The following SGCD variants were observed in gnomAD, a reference collection of about 807,000 sequenced individuals.
The protein encoded by SGCD is delta-sarcoglycan.
SGCD carries 18 observed loss-of-function variants against 36.6 expected under a neutral mutation model. The observed-to-expected ratio is 0.49, with a 90% CI of 0.34 to 0.73. The LOEUF is 0.73. SGCD is among the 30% of genes least tolerant of loss of function. The pLI is 0.01. For missense variants in SGCD, 387 were observed against 346.7 expected (o/e 1.12, Z -0.92); for synonymous variants, 133 against 130.6 (o/e 1.02, Z -0.12).
chr5:156,470,517 C>A (rs1056078022), intron 3 of SGCD, among the ~76,000 whole-genome samples: 19 of 151,834 alleles, frequency 1.3e-4, no homozygotes, highest in Non-Finnish European at 2.5e-4. Context: ...CCACAGTCCC[C>A]AGAGTGTGAT....
At chr5:156,742,241 C>T (rs1442176590) in intron 7 of SGCD, among the ~76,000 whole-genome samples, 1 of 152,104 alleles carries the variant, frequency 6.6e-6, no homozygotes, top group Non-Finnish European at 1.5e-5. Context: ...GGAAATACTC[C>T]ACCAACCACA....
chr5:156,272,469 G>T (rs988626087), intron 3 of SGCD, among the ~76,000 whole-genome samples: 1 of 152,170 alleles, frequency 6.6e-6, no homozygotes, highest in African/African-American at 2.4e-5. Context: ...TATGAATTGT[G>T]CTGCTAGAAG....
intron 2 of SGCD, among the ~76,000 whole-genome samples, chr5:156,344,102 T>C (rs1768814683): frequency 1.3e-5 from 2 of 152,232 alleles, no homozygotes; most frequent in Non-Finnish European, 2.9e-5. Flanking sequence ...TAAGGTGAAC[T>C]GCTGGGGTTA....
At chr5:156,136,217 A>C (rs1217346844) in intron 3 of SGCD, among the ~76,000 whole-genome samples, 2 of 152,030 alleles carry the variant, frequency 1.3e-5, no homozygotes, top group Non-Finnish European at 2.9e-5. Context: ...GGCTCAAGTG[A>C]TTCTCTCGCC....
rs182053754 is a variant in SGCD at position 156,349,941 on chromosome 5, A to G, written c.192+5264A>G. Reference sequence around the variant, plus strand: ...AATAATGGCTTTTACAGCAAGTTGTATGGAACCAGAGGCCATTTTTCTAAG... The same window carrying G: ...AATAATGGCTTTTACAGCAAGTTGTGTGGAACCAGAGGCCATTTTTCTAAG... On this transcript the variant is annotated intron_variant, in intron 3 of 8. Transcript: ENST00000337851. Among the ~76,000 whole-genome samples, 31 of 152,142 alleles carry G rather than the reference A, an allele frequency of 2.0e-4. No individual in the cohort carries two copies. In the East Asian group the frequency reaches 5.3e-3, roughly 26 times the overall value.
At chr5:156,009,198 C>T (rs1758810883) in intron 1 of SGCD, among the ~76,000 whole-genome samples, 1 of 152,148 alleles carries the variant, frequency 6.6e-6, no homozygotes, top group Admixed American at 6.5e-5. Context: ...AACAACATCA[C>T]TTTAGATTTT....
the SGCD span, among the ~76,000 whole-genome samples, chr5:155,732,852 C>A: frequency 6.6e-6 from 1 of 152,176 alleles, no homozygotes; most frequent in Non-Finnish European, 1.5e-5. Flanking sequence ...AAGAGGAGAA[C>A]TCTGAGTCCC....
the SGCD span, among the ~76,000 whole-genome samples, chr5:155,850,847 G>C: frequency 1.6e-4 from 24 of 152,128 alleles, no homozygotes; most frequent in Middle Eastern, 3.2e-3. Flanking sequence ...CTGCCTTCAG[G>C]GAAGTCTCAA....
chr5:156,180,564 T>A (rs1172645246), intron 3 of SGCD, among the ~76,000 whole-genome samples: 1 of 152,122 alleles, frequency 6.6e-6, no homozygotes, highest in Admixed American at 6.5e-5. Flanking sequence ...TCATTTATAA[T>A]AATGGAGGGG....
intron 1 of SGCD, among the ~76,000 whole-genome samples, chr5:155,932,799 G>C (rs17053010): frequency 0.14 from 21,932 of 152,068 alleles, 2,358 homozygotes; most frequent in Admixed American, 0.36. Context: ...ACAACAGCTG[G>C]AAAAGGTACT....
chr5:156,529,463 G>A (rs1272201657), intron 4 of SGCD, among the ~76,000 whole-genome samples: 1 of 147,566 alleles, frequency 6.8e-6, no homozygotes, highest in Non-Finnish European at 1.5e-5. Flanking sequence ...TTTTAATATG[G>A]TCATGTGGTC....
At chr5:156,604,431 A>G (rs1274729096) in intron 6 of SGCD, among the ~76,000 whole-genome samples, 1 of 151,198 alleles carries the variant, frequency 6.6e-6, no homozygotes, top group Non-Finnish European at 1.5e-5. Context: ...CCTCTTTTTT[A>G]CCTCTGTGGT....
At chr5:156,339,377 A>G (rs1381978718) in intron 2 of SGCD, among the ~76,000 whole-genome samples, 2 of 152,222 alleles carry the variant, frequency 1.3e-5, no homozygotes, top group Non-Finnish European at 2.9e-5. Flanking sequence ...TAGCATTGGT[A>G]TAATTGTATG....
chr5:156,674,488 A>C (rs187429046), intron 7 of SGCD, among the ~76,000 whole-genome samples: 20 of 152,326 alleles, frequency 1.3e-4, no homozygotes, highest in African/African-American at 4.6e-4. Context: ...ATAAGAAAGC[A>C]GTTTCTAATG....
At chr5:156,749,998 A>AAAGAT (rs1359765299) in intron 7 of SGCD, among the ~76,000 whole-genome samples, 1 of 152,188 alleles carries the variant, frequency 6.6e-6, no homozygotes, top group African/African-American at 2.4e-5. Flanking sequence ...AATATATAGA[A>AAAGAT]AAGATAATAC....
intron 4 of SGCD, among the ~76,000 whole-genome samples, chr5:156,567,377 AATAGATAGATAG>A (rs35083006): frequency 0.021 from 2,786 of 131,800 alleles, 40 homozygotes; most frequent in South Asian, 0.029. Flanking sequence ...TGGATAGATA[AATAGATAGATAG>A]ATAGATAGAT....
At chr5:156,157,670 A>G (rs1762996964) in intron 3 of SGCD, among the ~76,000 whole-genome samples, 1 of 151,690 alleles carries the variant, frequency 6.6e-6, no homozygotes, top group African/African-American at 2.4e-5. Flanking sequence ...GTCTTCTCTC[A>G]TTGTTGGGGA....
Position 156,598,089 on chromosome 5 carries a change from G to A in SGCD, c.502+3038G>A, listed in dbSNP as rs1323016061. 2.0e-5 allele frequency among the ~76,000 whole-genome samples: 3 copies of A among 152,304 alleles called. No homozygotes were observed. The East Asian group carries it at 5.8e-4, about 29-fold the overall frequency. ...GCCCATGTTCAAATCCCTGCCTATA[G>A]ACTCCAGCCTCGGTGCACTTCACTA... On this transcript the variant is annotated intron_variant, in intron 6 of 8. Transcript: ENST00000337851.
intron 3 of SGCD, among the ~76,000 whole-genome samples, chr5:156,345,525 G>A (rs1257952764): frequency 6.6e-6 from 1 of 152,012 alleles, no homozygotes; most frequent in African/African-American, 2.4e-5. Flanking sequence ...AATATAGATT[G>A]GCAATAAAAA....
Sources: gnomAD v4.1 joint callset for allele counts (sites outside exome capture counted in the v4.1 genomes callset) on GRCh38, gnomAD v4.1.1 for gene constraint, MANE v1.5 for transcripts, NCBI Gene and HGNC (gene_info 2026-07-23, HGNC 2026-07-21) for gene names.